The following EML5 variants were observed in gnomAD, a reference collection of about 807,000 sequenced individuals.
EML5 encodes the protein echinoderm microtubule-associated protein-like 5.
A neutral mutation model predicts 250.0 loss-of-function variants in EML5; 120 were observed. The ratio of observed to expected loss-of-function variants is 0.48; its 90% CI spans 0.41 to 0.56. The LOEUF (loss-of-function observed/expected upper bound fraction) is 0.56. EML5 is among the 20% of genes least tolerant of loss of function. EML5 has a pLI of 0.00. For synonymous variants in EML5, 771 were observed against 806.5 expected, an observed-to-expected ratio of 0.96 and a Z score of 0.75; for missense variants, 2,006 against 2,437.6, an observed-to-expected ratio of 0.82 and a Z score of 3.73.
chr14:88,639,671 G>A (rs1224376545), intron 31 of EML5, among the ~76,000 whole-genome samples: 1 of 152,090 alleles, frequency 6.6e-6, no homozygotes, highest in Non-Finnish European at 1.5e-5. Context: ...CCACTTCCCT[G>A]GTTCAAGCAA....
chr14:88,624,833 G>T, intron 36 of EML5, 137 bp downstream of exon 36: 2 of 923,882 alleles, frequency 2.2e-6, no homozygotes, highest in Non-Finnish European at 3.2e-6. Flanking sequence ...CACATAAAAG[G>T]TAATAAAGGA....
intron 1 of EML5, among the ~76,000 whole-genome samples, chr14:88,774,810 C>T (rs531931743): frequency 6.6e-6 from 1 of 152,328 alleles, no homozygotes; most frequent in South Asian, 2.1e-4. Flanking sequence ...TGTCTATATG[C>T]TGATAACATT....
chr14:88,627,870 C>A, intron 33 of EML5, 51 bp from the exon 34 acceptor site: 1 of 1,488,184 alleles, frequency 6.7e-7, no homozygotes, highest in South Asian at 1.2e-5. Context: ...ATAAATATTT[C>A]TGTTTCTAAA....
rs140482914 is a variant in EML5, at chr14:88,763,894, C to T, written c.198-9223G>A. 5.9e-4 allele frequency among the ~76,000 whole-genome samples: 90 copies of T among 152,226 alleles called. No homozygotes were observed. In the East Asian group the frequency reaches 0.015, roughly 25 times the overall value. ...AGGTTTTTACAGATGCTTTTATAGC[C>T]GGGTTAAAGAAGTGGACTTCTAGTC... On this transcript the variant is annotated intron_variant, in intron 1 of 43. Coordinates refer to ENST00000554922, the MANE Select transcript of EML5 (RefSeq NM_183387.3).
At chr14:88,759,642 C>T (rs1477430313) in intron 1 of EML5, among the ~76,000 whole-genome samples, 1 of 140,092 alleles carries the variant, frequency 7.1e-6, no homozygotes, top group African/African-American at 2.8e-5. Context: ...TGTGATCATG[C>T]CACTATACTC....
At chr14:88,657,243 A>C in intron 27 of EML5, 133 bp downstream of exon 27, 1 of 832,700 alleles carries the variant, frequency 1.2e-6, no homozygotes, top group Non-Finnish European at 1.8e-6. Flanking sequence ...CATACTTTCT[A>C]AGAGGTGCTG....
intron 7 of EML5, among the ~76,000 whole-genome samples, chr14:88,736,003 CTTTTT>C (rs11321542): frequency 8.2e-6 from 1 of 122,156 alleles, no homozygotes; most frequent in African/African-American, 3.3e-5. Flanking sequence ...TTTTTTCTTT[CTTTTT>C]TTTTTTTTTT....
Position 88,652,442 on chromosome 14 carries a change from G to A in EML5, c.4005-2516C>T, listed in dbSNP as rs930758236. ...TCACCTTAACTTCATCCCTTTCCCCGAATATAAAATCCATAGGTGCAAACT... is the reference window on the plus strand; with the variant it reads ...TCACCTTAACTTCATCCCTTTCCCCAAATATAAAATCCATAGGTGCAAACT... On this transcript the variant is annotated intron_variant, in intron 27 of 43. Coordinates refer to ENST00000554922, the MANE Select transcript of EML5 (RefSeq NM_183387.3). Among the ~76,000 whole-genome samples the A allele has an allele frequency of 3.9e-5, 6 of 152,054 alleles. No homozygotes were observed. In the South Asian group the frequency reaches 6.2e-4, roughly 16 times the overall value.
chr14:88,787,080 T>C (rs770994147), intron 1 of EML5, among the ~76,000 whole-genome samples: 1 of 152,206 alleles, frequency 6.6e-6, no homozygotes, highest in African/African-American at 2.4e-5. Flanking sequence ...TATTCTCTCA[T>C]AACACAAAAC....
At chr14:88,640,695 T>C (rs2091013303) in intron 31 of EML5, among the ~76,000 whole-genome samples, 1 of 150,744 alleles carries the variant, frequency 6.6e-6, no homozygotes. Context: ...CAGAAGAAAA[T>C]AAATAACAAA....
intron 8 of EML5, 59 bp downstream of exon 8, chr14:88,726,482 A>G: frequency 7.1e-7 from 1 of 1,415,896 alleles, no homozygotes; most frequent in Non-Finnish European, 9.5e-7. Context: ...AGAGAAAATT[A>G]CTTATATTCT....
intron 33 of EML5, among the ~76,000 whole-genome samples, chr14:88,632,245 G>C (rs774398300): frequency 2.0e-5 from 3 of 152,018 alleles, no homozygotes; most frequent in African/African-American, 7.3e-5. Context: ...TATTTGTCTC[G>C]TTCTCTCCAC....
chr14:88,646,827 A>C, intron 29 of EML5, 120 bp downstream of exon 29: 2 of 988,852 alleles, frequency 2.0e-6, no homozygotes, highest in South Asian at 3.8e-5. Flanking sequence ...AAGGAAAAAA[A>C]TGTGCAAAAC....
intron 1 of EML5, among the ~76,000 whole-genome samples, chr14:88,755,400 T>G (rs928025936): frequency 6.6e-6 from 1 of 152,172 alleles, no homozygotes; most frequent in African/African-American, 2.4e-5. Flanking sequence ...AAATACAGCA[T>G]TTAGTAGCAC....
chr14:88,654,539 C>T lies in EML5; in HGVS notation c.4004+2837G>A, dbSNP rs550950005. On this transcript the variant is annotated intron_variant, in intron 27 of 43. Coordinates refer to ENST00000554922, the MANE Select transcript of EML5 (RefSeq NM_183387.3). ...TTTCTGCCTTAATTCTGTTATTTACCCAGTAGTAATTCAGGAGCAGGTTGT... is the reference window on the plus strand; with the variant it reads ...TTTCTGCCTTAATTCTGTTATTTACTCAGTAGTAATTCAGGAGCAGGTTGT... Among the ~76,000 whole-genome samples the T allele has an allele frequency of 1.5e-3, 226 of 152,080 alleles. 1 individual carries two copies. Among genetic ancestry groups the T allele is most frequent in the Non-Finnish European group, 2.5e-3 (170 of 67,986 alleles).
chr14:88,689,071 C>T (rs770479863), intron 17 of EML5, among the ~76,000 whole-genome samples: 1 of 152,330 alleles, frequency 6.6e-6, no homozygotes, highest in African/African-American at 2.4e-5. Flanking sequence ...AACTCACTTT[C>T]ATAACCACAT....
intron 1 of EML5, among the ~76,000 whole-genome samples, chr14:88,765,639 T>C (rs1186443196): frequency 1.3e-5 from 2 of 152,212 alleles, no homozygotes; most frequent in Non-Finnish European, 2.9e-5. Flanking sequence ...ATCTGCAAAG[T>C]CATGTGTGCT....
chr14:88,664,800 A>C (rs1167869795), intron 22 of EML5, among the ~76,000 whole-genome samples, 176 bp from the exon 23 acceptor site: 1 of 152,214 alleles, frequency 6.6e-6, no homozygotes, highest in Admixed American at 6.5e-5. Flanking sequence ...TATTATACTT[A>C]ACAAAATAAT....
chr14:88,722,112 C>T (rs185501179), intron 8 of EML5, among the ~76,000 whole-genome samples: 1 of 152,242 alleles, frequency 6.6e-6, no homozygotes, highest in African/African-American at 2.4e-5. Context: ...AGTCAATAAA[C>T]AACAGATGCT....
Sources: allele counts gnomAD v4.1 joint callset (sites outside exome capture counted in the v4.1 genomes callset), GRCh38; gene constraint gnomAD v4.1.1; transcripts MANE v1.5; gene names NCBI Gene and HGNC (gene_info 2026-07-23, HGNC 2026-07-21).